Variants in SLC1A6 observed in about 807,000 individuals in gnomAD.
The protein encoded by SLC1A6 is solute carrier family 1 member 6.
In SLC1A6, 15 loss-of-function variants were observed where a neutral mutation model predicts 42.1. That is an observed-to-expected ratio of 0.36 (90% confidence interval 0.24 to 0.55). The LOEUF is 0.55. SLC1A6 is among the 20% of genes least tolerant of loss of function. The pLI is 0.88. For synonymous variants in SLC1A6, 317 were observed against 319.7 expected, an observed-to-expected ratio of 0.99 and a Z score of 0.09; for missense variants, 542 against 772.5, an observed-to-expected ratio of 0.70 and a Z score of 3.54.
chr19:14,999,984 A>C (rs1180687764), intron 1 of SLC1A6, among the ~76,000 whole-genome samples: 1 of 151,004 alleles, frequency 6.6e-6, no homozygotes, highest in East Asian at 2.0e-4. Flanking sequence ...TCCTAATGCT[A>C]TCTCTTCCCC....
chr19:14,979,945 C>G (rs916080288), upstream of SLC1A6: 1 of 152,408 alleles, frequency 6.6e-6, no homozygotes, highest in East Asian at 1.9e-4. The surrounding 1 kb of genome is among the most constrained non-coding windows in gnomAD (Gnocchi z 4.2). Context: ...GCCCCCGCCC[C>G]CTAAACCGCC....
chr19:14,999,571 T>C (rs2045863370), intron 1 of SLC1A6, among the ~76,000 whole-genome samples: 1 of 152,230 alleles, frequency 6.6e-6, no homozygotes, highest in Non-Finnish European at 1.5e-5. Flanking sequence ...TCTAAACTGA[T>C]TGAGACTCAT....
intron 4 of SLC1A6, 80 bp downstream of exon 4, chr19:14,968,223 C>T (rs992543105): frequency 8.3e-7 from 1 of 1,200,420 alleles, no homozygotes; most frequent in African/African-American, 1.5e-5. Flanking sequence ...GGGATGACCT[C>T]TTTGCAGGCT....
At chr19:14,995,863 ATCCAGGAGCTAGGTTAC>A (rs1485178991) in intron 1 of SLC1A6, among the ~76,000 whole-genome samples, 9 of 152,170 alleles carry the variant, frequency 5.9e-5, no homozygotes, top group Non-Finnish European at 1.2e-4. Context: ...TCACTGGTAG[ATCCAGGAGCTAGGTTAC>A]CCCGGAAAAG....
upstream of SLC1A6, among the ~76,000 whole-genome samples, chr19:14,981,131 TAA>T (rs113293751): frequency 6.8e-6 from 1 of 147,008 alleles, no homozygotes; most frequent in East Asian, 2.0e-4. Context: ...TGTCTCTATT[TAA>T]AAAAAAAAAA....
At chr19:14,968,181 G>A (rs1227443171) in intron 4 of SLC1A6, 122 bp downstream of exon 4, 55 of 790,564 alleles carry the variant, frequency 7.0e-5, no homozygotes, top group Non-Finnish European at 4.0e-6. Flanking sequence ...GCCCGTCTCT[G>A]CTCTTGACCG....
Position 14,954,120 on chromosome 19 carries a change from C to T in SLC1A6, c.1364+15G>A. The T allele has an allele frequency of 1.3e-6, 2 of 1,545,768 alleles. No homozygotes were observed. Among genetic ancestry groups the T allele is most frequent in the Non-Finnish European group, 1.8e-6 (2 of 1,141,142 alleles). On this transcript the variant is annotated intron_variant, in intron 8 of 9. Coordinates refer to ENST00000594383, the MANE Select transcript of SLC1A6 (RefSeq NM_005071.3). ...AAGTCTCACCTGCTGGCAGGTCCTA[C>T]CCAAGCCCCCTCACCTGATGGTTGT...
At chr19:14,984,693 C>G (rs899129377), upstream of SLC1A6, among the ~76,000 whole-genome samples, 1 of 152,124 alleles carries the variant, frequency 6.6e-6, no homozygotes, top group African/African-American at 2.4e-5. Flanking sequence ...CTCATGCATT[C>G]GTCATTTGAA....
At chr19:15,005,461 A>G (rs2045891898) in intron 1 of SLC1A6, among the ~76,000 whole-genome samples, 1 of 152,024 alleles carries the variant, frequency 6.6e-6, no homozygotes. Context: ...GTGAACCGAG[A>G]TCGCGCCACT....
intron 1 of SLC1A6, among the ~76,000 whole-genome samples, chr19:15,004,537 T>TATAAAAAA (rs1201036213): frequency 1.3e-4 from 2 of 15,260 alleles, no homozygotes; most frequent in African/African-American, 4.5e-4. Context: ...ACCTCACCTC[T>TATAAAAAA]ACAAAAAAAA....
chr19:14,961,694 T>G, intron 6 of SLC1A6: 4 of 310,196 alleles, frequency 1.3e-5, no homozygotes, highest in Non-Finnish European at 1.8e-5. Flanking sequence ...GAAGAATGAG[T>G]GAATGAACAG....
At chr19:14,950,852 G>C (rs1475177353) in intron 9 of SLC1A6, among the ~76,000 whole-genome samples, 1 of 151,734 alleles carries the variant, frequency 6.6e-6, no homozygotes, top group African/African-American at 2.4e-5. Flanking sequence ...GGCTGAGATG[G>C]CAGGGTCACT....
chr19:14,996,588 CTCA>C (rs2045848834), intron 1 of SLC1A6, among the ~76,000 whole-genome samples: 1 of 150,478 alleles, frequency 6.6e-6, no homozygotes, highest in Non-Finnish European at 1.5e-5. Context: ...TCTTCTTCCT[CTCA>C]TTGTACCTTA....
chr19:14,962,377 A>C, intron 5 of SLC1A6, 32 bp from the exon 6 acceptor site: 1 of 1,524,064 alleles, frequency 6.6e-7, no homozygotes, highest in Non-Finnish European at 9.1e-7. Context: ...CCCAGATTCA[A>C]TTCAGCGGAT....
chr19:14,982,398 G>A (rs770032935), upstream of SLC1A6, among the ~76,000 whole-genome samples: 6 of 151,892 alleles, frequency 4.0e-5, no homozygotes, highest in East Asian at 1.9e-4. Flanking sequence ...GCATGGTGGC[G>A]GGTGCCTGTA....
At chr19:14,987,901 C>G (rs539729346) in intron 1 of SLC1A6, among the ~76,000 whole-genome samples, 1 of 152,256 alleles carries the variant, frequency 6.6e-6, no homozygotes, top group South Asian at 2.1e-4. Context: ...CTCTGTTGCC[C>G]AGGCTGAAGT....
In SLC1A6 at chr19:14,954,248, G is replaced by C. The variant is rs1050646691; in HGVS notation, c.1251C>G (p.Pro417=). 6.2e-7 allele frequency: 1 copy of C among 1,613,970 alleles called. No homozygotes were observed. The highest frequency in any genetic ancestry group is 8.5e-7 in the Non-Finnish European group (1 of 1,180,042). ...CATCCATGTTGACCGTGGCGCCCAC[G>C]GGCAGGACGAACCTGGTGATGCGGC... ...VDRRITRFVL[P]VGATVNMDGT... is the part of the protein sequence containing the mutation. The change falls in exon 8 of 10, where the codon CCC becomes CCG. Residue 417 remains proline (P), a synonymous_variant. Transcript: ENST00000594383.
chr19:15,004,341 G>T (rs2045886287), intron 1 of SLC1A6, among the ~76,000 whole-genome samples: 1 of 151,954 alleles, frequency 6.6e-6, no homozygotes, highest in Non-Finnish European at 1.5e-5. Flanking sequence ...CATGGTGGGG[G>T]AATGAATGTG....
In SLC1A6 at chr19:14,962,264, G is replaced by T; in HGVS notation, c.673C>A (p.Pro225Thr). The T allele has an allele frequency of 6.2e-7, 1 of 1,614,114 alleles. No individual in the cohort carries two copies. The highest frequency in any genetic ancestry group is 8.5e-7 in the Non-Finnish European group (1 of 1,179,978). ...ENGSEPGASMPPPFSVENGTS... is the reference protein window; with the variant it reads ...ENGSEPGASMTPPFSVENGTS... ...CCGTTCTCCACTGAGAATGGAGGAG[G>T]CATGGAGGCACCCGGCTCAGACCCG... The change falls in exon 6 of 10, where the codon CCT becomes ACT. Residue 225 changes from proline to threonine, a missense_variant. Pro to Thr is a conservative substitution (Grantham distance 38). Transcript: ENST00000594383.
Sources: gnomAD v4.1 joint callset for allele counts (sites outside exome capture counted in the v4.1 genomes callset) on GRCh38, gnomAD v4.1.1 for gene constraint, Gnocchi (gnomAD v3.1) non-coding constraint, MANE v1.5 for transcripts, NCBI Gene and HGNC (gene_info 2026-07-23, HGNC 2026-07-21) for gene names.